CHRM3: variants seen among roughly 807,000 people sequenced by gnomAD.
CHRM3 encodes cholinergic receptor muscarinic 3.
A neutral mutation model predicts 41.8 loss-of-function variants in CHRM3; 11 were observed. The observed-to-expected ratio is 0.26, with a 90% CI of 0.17 to 0.44. The LOEUF (loss-of-function observed/expected upper bound fraction) is 0.44. Ranked by LOEUF, CHRM3 falls within the 20% of genes least tolerant of loss-of-function variation. The pLI, the probability that CHRM3 is intolerant of heterozygous loss-of-function variation, is 1.00. For missense variants in CHRM3, 571 were observed against 745.4 expected (o/e 0.77, Z 2.72); for synonymous variants, 297 against 301.4 (o/e 0.99, Z 0.15).
At chr1:239,545,802 A>T (rs190351188) in intron 3 of CHRM3, 53 bp downstream of exon 3, 1 of 152,262 alleles carries the variant, frequency 6.6e-6, no homozygotes, top group African/African-American at 2.4e-5. Context: ...TGAGATTTTC[A>T]CCAGAGTACC....
chr1:239,713,738 C>T (rs1376444703), intron 5 of CHRM3, among the ~76,000 whole-genome samples: 2 of 152,270 alleles, frequency 1.3e-5, no homozygotes, highest in East Asian at 3.9e-4. Context: ...CTGGAGACCT[C>T]TGCAGTTTAC....
At position 239,404,150 on chromosome 1, in the gene CHRM3, G is replaced by A. The variant is rs569872579; in HGVS notation, c.-521+16923G>A. ...AAAAATACAAAAAAATTAGCCAGGC[G>A]TGGTGGTGGGCACCTGTAGTCCCAG... On this transcript the variant is annotated intron_variant, in intron 1 of 6. Coordinates refer to ENST00000676153, the MANE Select transcript of CHRM3 (RefSeq NM_001375978.1). Among the ~76,000 whole-genome samples, 329 of 151,046 alleles carry A rather than the reference G, an allele frequency of 2.2e-3. 1 individual carries two copies. Among genetic ancestry groups the A allele is most frequent in the South Asian group, 9.9e-3 (47 of 4,752 alleles).
intron 1 of CHRM3, among the ~76,000 whole-genome samples, chr1:239,481,018 G>A (rs1666818367): frequency 6.6e-6 from 1 of 152,248 alleles, no homozygotes; most frequent in Middle Eastern, 3.4e-3. Context: ...ACAGAAGACA[G>A]AAAATAACGA....
intron 1 of CHRM3, among the ~76,000 whole-genome samples, chr1:239,465,281 G>C (rs1665642985): frequency 6.6e-6 from 1 of 152,056 alleles, no homozygotes; most frequent in Non-Finnish European, 1.5e-5. Context: ...AACTTTCTGG[G>C]CTTATGAGAT....
At chr1:239,572,265 T>A (rs912455334) in intron 3 of CHRM3, among the ~76,000 whole-genome samples, 4 of 152,192 alleles carry the variant, frequency 2.6e-5, no homozygotes, top group African/African-American at 9.6e-5. Flanking sequence ...TGAAGAATCC[T>A]TGGACCCCGT....
At chr1:239,773,858 A>G (rs146508720) in intron 5 of CHRM3, among the ~76,000 whole-genome samples, 1 of 152,310 alleles carries the variant, frequency 6.6e-6, no homozygotes, top group Non-Finnish European at 1.5e-5. Flanking sequence ...AGAAGGAAGG[A>G]GAATGAATCT....
intron 3 of CHRM3, among the ~76,000 whole-genome samples, chr1:239,567,129 G>C (rs1661427031): frequency 6.6e-6 from 1 of 152,012 alleles, no homozygotes; most frequent in Non-Finnish European, 1.5e-5. Flanking sequence ...AAATGTTTAA[G>C]AATTACTGTT....
At chr1:239,498,618 T>A (rs1442914072) in intron 2 of CHRM3, among the ~76,000 whole-genome samples, 1 of 152,142 alleles carries the variant, frequency 6.6e-6, no homozygotes, top group Non-Finnish European at 1.5e-5. Context: ...CAGAAAACTC[T>A]CTCTCTTACT....
At chr1:239,709,568 G>A (rs1021729431) in intron 5 of CHRM3, among the ~76,000 whole-genome samples, 1 of 152,032 alleles carries the variant, frequency 6.6e-6, no homozygotes, top group Admixed American at 6.6e-5. Flanking sequence ...GGTTCCATAC[G>A]TGTTGAGAAA....
chr1:239,640,454 G>C (rs995622183), intron 4 of CHRM3, among the ~76,000 whole-genome samples: 62 of 152,214 alleles, frequency 4.1e-4, no homozygotes, highest in Non-Finnish European at 7.2e-4. Flanking sequence ...CCTGTTATTG[G>C]TCTATTCAGA....
chr1:239,810,054 G>A (rs755921980), intron 5 of CHRM3, among the ~76,000 whole-genome samples: 7 of 152,296 alleles, frequency 4.6e-5, no homozygotes, highest in East Asian at 3.9e-4. Context: ...AGGAGGCCGC[G>A]TATGGAATGC....
chr1:239,893,261 A>T (rs958965326), intron 6 of CHRM3, among the ~76,000 whole-genome samples: 1 of 152,248 alleles, frequency 6.6e-6, no homozygotes, highest in East Asian at 1.9e-4. Flanking sequence ...CCATTCATCT[A>T]ACAAATATTT....
intron 6 of CHRM3, chr1:239,899,861 G>C (rs576130387): frequency 6.6e-6 from 1 of 152,310 alleles, no homozygotes; most frequent in African/African-American, 2.4e-5. Flanking sequence ...CAACCTGGCA[G>C]GGAGGGAGCC....
chr1:239,881,641 C>T (rs1325592581), intron 6 of CHRM3, among the ~76,000 whole-genome samples: 1 of 152,182 alleles, frequency 6.6e-6, no homozygotes, highest in Non-Finnish European at 1.5e-5. Flanking sequence ...GGACTTGGAA[C>T]CCACACTCAG....
intron 5 of CHRM3, among the ~76,000 whole-genome samples, chr1:239,711,201 G>A (rs1661746550): frequency 6.6e-6 from 1 of 152,028 alleles, no homozygotes; most frequent in South Asian, 2.1e-4. Context: ...AAGGTTTTGG[G>A]GTCATGCATG....
intron 6 of CHRM3, among the ~76,000 whole-genome samples, chr1:239,849,323 T>C (rs1173854495): frequency 1.3e-5 from 2 of 152,216 alleles, no homozygotes; most frequent in Admixed American, 6.5e-5. Context: ...AGTATCATTG[T>C]AGCACTGAGA....
intron 4 of CHRM3, among the ~76,000 whole-genome samples, chr1:239,633,097 C>T (rs1036570187): frequency 2.0e-5 from 3 of 152,184 alleles, no homozygotes; most frequent in African/African-American, 7.2e-5. Context: ...CTCAGCCTCC[C>T]GAGTAGCTGG....
chr1:239,408,521 CAA>C (rs371319364), intron 1 of CHRM3, among the ~76,000 whole-genome samples: 15 of 61,256 alleles, frequency 2.4e-4, no homozygotes, highest in African/African-American at 2.3e-4. Flanking sequence ...GAGACTCCGT[CAA>C]AAAAAAAAAA....
At position 239,907,810 on chromosome 1, in the gene CHRM3, T is replaced by A. The variant is rs191072279; in HGVS notation, c.359T>A (p.Ile120Asn). The change falls in exon 7 of 7, where the codon ATT becomes AAT. Residue 120 changes from isoleucine (I) to asparagine (N), a missense_variant. Coordinates refer to ENST00000676153, the MANE Select transcript of CHRM3 (RefSeq NM_001375978.1). The surrounding 1 kb of genome is among the most constrained non-coding windows in gnomAD (Gnocchi z 5.4). ...TGTGCCGATCTGATTATCGGGGTCA[T>A]TTCAATGAATCTGTTTACGACCTAC... ...LACADLIIGV[I>N]SMNLFTTYII... 6.2e-7 allele frequency: 1 copy of A among 1,614,230 alleles called. No homozygotes were observed. Among genetic ancestry groups the A allele is most frequent in the Non-Finnish European group, 8.5e-7 (1 of 1,180,042 alleles).
Sources: allele counts gnomAD v4.1 joint callset (sites outside exome capture counted in the v4.1 genomes callset), GRCh38; gene constraint gnomAD v4.1.1; non-coding constraint Gnocchi (gnomAD v3.1); transcripts MANE v1.5; gene names NCBI Gene and HGNC (gene_info 2026-07-23, HGNC 2026-07-21).